The following TDRD9 variants were observed in gnomAD, a reference collection of about 807,000 sequenced individuals.
The protein encoded by TDRD9 is ATP-dependent RNA helicase TDRD9.
A neutral mutation model predicts 172.6 loss-of-function variants in TDRD9; 124 were observed. That is an observed-to-expected ratio of 0.72 (90% CI 0.62 to 0.83). The LOEUF is 0.83. TDRD9 is among the 40% of genes least tolerant of loss of function. The pLI, the probability that TDRD9 is intolerant of heterozygous loss-of-function variation, is 0.00. For synonymous variants in TDRD9, 619 were observed against 617.1 expected (o/e 1.00, Z -0.05); for missense variants, 1,479 against 1,714.1 (o/e 0.86, Z 2.42).
At chr14:104,007,356 T>G (rs1335140165) in intron 19 of TDRD9, among the ~76,000 whole-genome samples, 152 bp downstream of exon 19, 1 of 151,854 alleles carries the variant, frequency 6.6e-6, no homozygotes, top group Non-Finnish European at 1.5e-5. Context: ...GTCCCAAGAG[T>G]GGCAGGCCAT....
intron 23 of TDRD9, among the ~76,000 whole-genome samples, chr14:104,020,801 G>T (rs1414793975): frequency 1.3e-5 from 2 of 152,060 alleles, no homozygotes; most frequent in Non-Finnish European, 2.9e-5. Context: ...GTGATGATGT[G>T]GGGACCCAGG....
At chr14:104,026,633 T>C in intron 27 of TDRD9, 46 bp from the exon 28 acceptor site, 1 of 1,596,928 alleles carries the variant, frequency 6.3e-7, no homozygotes, top group Non-Finnish European at 8.6e-7. Flanking sequence ...ATGAGTGTTT[T>C]GCTTATTTAT....
chr14:103,982,374 A>T (rs2033506774), intron 7 of TDRD9, among the ~76,000 whole-genome samples: 1 of 152,144 alleles, frequency 6.6e-6, no homozygotes, highest in Admixed American at 6.6e-5. Flanking sequence ...GTTGCCACTC[A>T]GACTGCACCT....
intron 21 of TDRD9, among the ~76,000 whole-genome samples, chr14:104,015,368 G>A (rs2034757410): frequency 6.6e-6 from 1 of 152,216 alleles, no homozygotes; most frequent in Non-Finnish European, 1.5e-5. Flanking sequence ...TGATGCATAC[G>A]GAATCAGGTT....
chr14:104,031,639 C>T (rs1395545630), intron 29 of TDRD9, among the ~76,000 whole-genome samples: 1 of 151,966 alleles, frequency 6.6e-6, no homozygotes, highest in Non-Finnish European at 1.5e-5. Flanking sequence ...GCCAGGGTGT[C>T]TCCTTGTTCA....
At chr14:104,017,374 G>A (rs1434827751) in intron 22 of TDRD9, among the ~76,000 whole-genome samples, 1 of 152,240 alleles carries the variant, frequency 6.6e-6, no homozygotes, top group Non-Finnish European at 1.5e-5. Flanking sequence ...CACCCTTTGA[G>A]TTGGGGATTT....
chr14:103,942,967 A>C (rs201362861), intron 1 of TDRD9, among the ~76,000 whole-genome samples: 5 of 66,670 alleles, frequency 7.5e-5, no homozygotes, highest in Admixed American at 4.4e-4. Flanking sequence ...GTTGTCAGGG[A>C]AAAATAGAGG....
intron 32 of TDRD9, among the ~76,000 whole-genome samples, chr14:104,036,777 A>C (rs1031119960): frequency 6.6e-6 from 1 of 152,232 alleles, no homozygotes; most frequent in Non-Finnish European, 1.5e-5. Context: ...TGCTTTGCTG[A>C]TTATATTCAT....
rs978688813 is a variant in TDRD9 at position 103,956,113 on chromosome 14, T to A, written c.322+343T>A. ...AAAAAAAAAAAAAAAAAAAAAAAAA[T>A]ATATATATATATATATATATATATA... On this transcript the variant is annotated intron_variant, in intron 2 of 35. Coordinates refer to ENST00000409874, the MANE Select transcript of TDRD9 (RefSeq NM_153046.3). 2.0e-3 allele frequency among the ~76,000 whole-genome samples: 31 copies of A among 15,732 alleles called. 1 individual carries two copies. Among genetic ancestry groups the A allele is most frequent in the African/African-American group, 7.1e-3 (22 of 3,120 alleles). 10.3% of individuals were successfully genotyped at this position (15,732 alleles called of 152,430 possible).
At chr14:103,936,178 A>C (rs1407591466) in intron 1 of TDRD9, among the ~76,000 whole-genome samples, 2 of 152,142 alleles carry the variant, frequency 1.3e-5, no homozygotes, top group Non-Finnish European at 2.9e-5. Flanking sequence ...ACGTGGGCTC[A>C]AGTGATCCTC....
chr14:103,996,404 G>A (rs921933266), intron 12 of TDRD9, among the ~76,000 whole-genome samples: 5 of 152,150 alleles, frequency 3.3e-5, no homozygotes, highest in African/African-American at 1.2e-4. Context: ...AGGTAAAAAG[G>A]TTTTATAATT....
intron 32 of TDRD9, among the ~76,000 whole-genome samples, chr14:104,037,635 C>G (rs1403959247): frequency 1.3e-5 from 2 of 152,208 alleles, no homozygotes; most frequent in Non-Finnish European, 2.9e-5. Flanking sequence ...GCAGAGACAT[C>G]TAAGTGGAGG....
At chr14:103,938,860 A>T (rs1193469802) in intron 1 of TDRD9, among the ~76,000 whole-genome samples, 1 of 152,188 alleles carries the variant, frequency 6.6e-6, no homozygotes, top group Non-Finnish European at 1.5e-5. Flanking sequence ...TATTTGATTT[A>T]TAGGTTTTCC....
At chr14:103,964,254 A>T (rs905255930) in intron 3 of TDRD9, among the ~76,000 whole-genome samples, 1 of 152,214 alleles carries the variant, frequency 6.6e-6, no homozygotes, top group African/African-American at 2.4e-5. Flanking sequence ...AAAAATAAAT[A>T]AACAGATATT....
chr14:103,966,644 T>C, intron 4 of TDRD9, 65 bp from the exon 5 acceptor site: 1 of 1,408,846 alleles, frequency 7.1e-7, no homozygotes, highest in South Asian at 1.6e-5. Context: ...CCCCATTATA[T>C]TAATAAAATG....
At chr14:103,968,687 T>C in intron 5 of TDRD9, among the ~76,000 whole-genome samples, 1 of 144,976 alleles carries the variant, frequency 6.9e-6, no homozygotes. Context: ...TCCCAGCTAC[T>C]CAGGAGGCTG....
At chr14:103,989,368 A>G (rs1595953475) in intron 8 of TDRD9, among the ~76,000 whole-genome samples, 1 of 152,134 alleles carries the variant, frequency 6.6e-6, no homozygotes, top group African/African-American at 2.4e-5. Flanking sequence ...AGGCATTTTC[A>G]TCTTTCTTTT....
In TDRD9 at chr14:104,042,204, C is replaced by T. The variant is rs753346467; in HGVS notation, c.3974+17C>T. ...GCTTTTAGGGTAAGCTGTGTGATGA[C>T]GCGGGCTTCTTTTCTTCCCAGTCAA... On this transcript the variant is annotated intron_variant, in intron 34 of 35. Transcript: ENST00000409874. 1.0e-5 allele frequency: 16 copies of T among 1,544,482 alleles called. No homozygotes were observed. Among genetic ancestry groups the T allele is most frequent in the African/African-American group, 2.7e-5 (2 of 73,550 alleles).
At chr14:103,945,061 A>G (rs956041639) in intron 1 of TDRD9, among the ~76,000 whole-genome samples, 8 of 152,240 alleles carry the variant, frequency 5.3e-5, no homozygotes, top group African/African-American at 1.7e-4. Flanking sequence ...GAAGACAAAT[A>G]TAAGTACACA....
Sources: allele counts gnomAD v4.1 joint callset (sites outside exome capture counted in the v4.1 genomes callset), GRCh38; gene constraint gnomAD v4.1.1; transcripts MANE v1.5; gene names NCBI Gene and HGNC (gene_info 2026-07-23, HGNC 2026-07-21).